The following PPP2R2C variants were observed in gnomAD, a reference collection of about 807,000 sequenced individuals.
PPP2R2C encodes the protein protein phosphatase 2, regulatory subunit B, gamma.
Under a neutral mutation model 45.3 loss-of-function variants are expected in PPP2R2C, and 10 were observed. The observed-to-expected ratio is 0.22, with a 90% CI of 0.14 to 0.37. The LOEUF (loss-of-function observed/expected upper bound fraction) is 0.37, where lower values mean the gene tolerates loss of function less well. PPP2R2C is among the 10% of genes least tolerant of loss of function. The pLI, the probability that PPP2R2C is intolerant of heterozygous loss-of-function variation, is 1.00. For synonymous variants in PPP2R2C, 257 were observed against 245.4 expected (o/e 1.05, Z -0.44); for missense variants, 308 against 619.7 (o/e 0.50, Z 5.34).
Position 6,416,117 on chromosome 4 carries a change from C to A in PPP2R2C, c.71-35023G>T, listed in dbSNP as rs78747481. On this transcript the variant is annotated intron_variant, in intron 1 of 8. Coordinates refer to ENST00000382599, the MANE Select transcript of PPP2R2C (RefSeq NM_020416.4). ...CACAACATGTCTAAGACTAAGTCCACCATTTTCCAAAAACAACCTACTCCT... is the reference window on the plus strand; with the variant it reads ...CACAACATGTCTAAGACTAAGTCCAACATTTTCCAAAAACAACCTACTCCT... Among the ~76,000 whole-genome samples, 833 of 98,218 alleles carry A rather than the reference C, an allele frequency of 8.5e-3. 18 individuals are homozygous for A. The East Asian group carries it at 0.19, about 22-fold the overall frequency. 64.4% of individuals were successfully genotyped at this position (98,218 alleles called of 152,430 possible).
upstream of PPP2R2C, among the ~76,000 whole-genome samples, chr4:6,473,369 C>G (rs1374090071): frequency 1.3e-5 from 2 of 152,122 alleles, no homozygotes; most frequent in Non-Finnish European, 1.5e-5. Context: ...ACATAGTGGG[C>G]CCTCAAAAAA....
chr4:6,443,787 A>C (rs1393704841), intron 1 of PPP2R2C, among the ~76,000 whole-genome samples: 3 of 142,146 alleles, frequency 2.1e-5, no homozygotes, highest in African/African-American at 7.8e-5. Context: ...GCCCCCCCGG[A>C]GTCCTTGCAG....
Position 6,329,053 on chromosome 4 carries a change from C to A in PPP2R2C, c.1052+209G>T, listed in dbSNP as rs537310131. On this transcript the variant is annotated intron_variant, in intron 8 of 8. Transcript: ENST00000382599. The surrounding 1 kb of genome is among the most constrained non-coding windows in gnomAD (Gnocchi z 5.8). ...CCAACGTGGCTGTGAGGTTCAGTGACAGAAGATGAAGAATTTCATGTCCTG... is the reference window on the plus strand; with the variant it reads ...CCAACGTGGCTGTGAGGTTCAGTGAAAGAAGATGAAGAATTTCATGTCCTG... Among the ~76,000 whole-genome samples the A allele has an allele frequency of 1.3e-5, 2 of 152,338 alleles. No individual in the cohort carries two copies. Among genetic ancestry groups the A allele is most frequent in the South Asian group, 4.1e-4 (2 of 4,832 alleles).
chr4:6,347,380 T>C (rs1004210114), intron 6 of PPP2R2C, among the ~76,000 whole-genome samples: 1 of 151,948 alleles, frequency 6.6e-6, no homozygotes, highest in African/African-American at 2.4e-5. Context: ...GGTTCTAGGA[T>C]GAGGGGACAT....
At chr4:6,379,009 C>T (rs1027850952) in intron 2 of PPP2R2C, among the ~76,000 whole-genome samples, 5 of 148,964 alleles carry the variant, frequency 3.4e-5, no homozygotes, top group Non-Finnish European at 7.4e-5. Context: ...ACCCCTCTGC[C>T]GAGGCCTGCC....
chr4:6,353,115 G>A (rs564048287), intron 5 of PPP2R2C, among the ~76,000 whole-genome samples: 12 of 152,140 alleles, frequency 7.9e-5, no homozygotes, highest in African/African-American at 2.2e-4. Context: ...CCCCCAGGAC[G>A]GTGAGAATAT....
chr4:6,487,849 T>G (rs1722576492), intron 2 of PPP2R2C, among the ~76,000 whole-genome samples: 1 of 152,206 alleles, frequency 6.6e-6, no homozygotes, highest in South Asian at 2.1e-4. Flanking sequence ...ATACATATAT[T>G]ACGCCTCTTA....
chr4:6,469,500 T>C (rs1373168958), intron 1 of PPP2R2C, among the ~76,000 whole-genome samples: 2 of 152,218 alleles, frequency 1.3e-5, no homozygotes, highest in African/African-American at 4.8e-5. Flanking sequence ...TTACAAGGCA[T>C]ATAAATAATA....
intron 1 of PPP2R2C, among the ~76,000 whole-genome samples, chr4:6,393,714 G>C (rs1175894132): frequency 6.6e-6 from 1 of 152,244 alleles, no homozygotes; most frequent in South Asian, 2.1e-4. Flanking sequence ...CCCTGGCCAA[G>C]CCAGGTGGGG....
In PPP2R2C at chr4:6,455,323, T is replaced by C. The variant is rs1352575579; in HGVS notation, c.70+16837A>G. ...GGACAGACACAAGAATAATCTGGAA[T>C]ACAGGACAATGGGCATTCATAAGAA... On this transcript the variant is annotated intron_variant, in intron 1 of 8. Coordinates refer to ENST00000382599, the MANE Select transcript of PPP2R2C (RefSeq NM_020416.4). 2.0e-5 allele frequency among the ~76,000 whole-genome samples: 3 copies of C among 152,292 alleles called. No individual in the cohort carries two copies. The East Asian group carries it at 5.8e-4, about 29-fold the overall frequency.
chr4:6,524,728 G>T (rs1160438290), intron 2 of PPP2R2C, among the ~76,000 whole-genome samples: 2 of 152,164 alleles, frequency 1.3e-5, no homozygotes, highest in African/African-American at 4.8e-5. Context: ...AACTAAGTTA[G>T]GTTGCAGTTC....
At chr4:6,501,035 C>T (rs545538746) in intron 2 of PPP2R2C, among the ~76,000 whole-genome samples, 2 of 152,332 alleles carry the variant, frequency 1.3e-5, no homozygotes, top group East Asian at 1.9e-4. Context: ...AAACAGATCC[C>T]GCAACTCTGG....
intron 2 of PPP2R2C, among the ~76,000 whole-genome samples, chr4:6,507,257 C>T (rs140393482): frequency 2.0e-5 from 3 of 152,198 alleles, no homozygotes; most frequent in Non-Finnish European, 2.9e-5. Context: ...GCCTCAGTTT[C>T]CCCAGCTATA....
At chr4:6,340,782 G>A (rs1007504736) in intron 6 of PPP2R2C, among the ~76,000 whole-genome samples, 6 of 152,250 alleles carry the variant, frequency 3.9e-5, no homozygotes, top group Non-Finnish European at 8.8e-5. Flanking sequence ...ACGGCCTTGT[G>A]GTTCCTGTCC....
chr4:6,550,771 A>T (rs1725158467), intron 1 of PPP2R2C, among the ~76,000 whole-genome samples: 1 of 152,140 alleles, frequency 6.6e-6, no homozygotes, highest in African/African-American at 2.4e-5. Flanking sequence ...TTAGCCTCCT[A>T]AGTAGCTGGG....
chr4:6,494,166 G>A (rs1722800378), intron 2 of PPP2R2C, among the ~76,000 whole-genome samples: 3 of 152,204 alleles, frequency 2.0e-5, no homozygotes, highest in African/African-American at 7.2e-5. Context: ...GGACCCATTG[G>A]TCTAGCCTGA....
chr4:6,354,180 C>A (rs984991949), intron 5 of PPP2R2C, among the ~76,000 whole-genome samples: 1 of 151,480 alleles, frequency 6.6e-6, no homozygotes, highest in African/African-American at 2.4e-5. Context: ...AGTGAACTTC[C>A]TCAAACAGCT....
intron 5 of PPP2R2C, among the ~76,000 whole-genome samples, chr4:6,355,551 C>CAAAAAAAAAA (rs566926127): frequency 1.3e-5 from 1 of 78,968 alleles, no homozygotes; most frequent in African/African-American, 4.2e-5. Flanking sequence ...ACAGAAAGCA[C>CAAAAAAAAAA]AAAAAAAAAA....
At chr4:6,396,784 G>C (rs893383285) in intron 1 of PPP2R2C, among the ~76,000 whole-genome samples, 3 of 152,260 alleles carry the variant, frequency 2.0e-5, no homozygotes, top group African/African-American at 7.2e-5. Context: ...GGCTGGGAGG[G>C]GGTAGAGAGA....
Sources: allele counts gnomAD v4.1 joint callset (sites outside exome capture counted in the v4.1 genomes callset), GRCh38; gene constraint gnomAD v4.1.1; non-coding constraint Gnocchi (gnomAD v3.1); transcripts MANE v1.5; gene names NCBI Gene and HGNC (gene_info 2026-07-23, HGNC 2026-07-21).